The following PITPNA variants were observed in gnomAD, a reference collection of about 807,000 sequenced individuals.
PITPNA encodes the protein phosphatidylinositol transfer protein alpha isoform.
In PITPNA, 13 loss-of-function variants were observed where a neutral mutation model predicts 50.3. The ratio of observed to expected loss-of-function variants is 0.26; its 90% CI spans 0.17 to 0.41. The LOEUF (loss-of-function observed/expected upper bound fraction) is 0.41. Ranked by LOEUF, PITPNA falls within the 10% of genes least tolerant of loss-of-function variation. PITPNA has a pLI of 1.00. For missense variants in PITPNA, 207 were observed against 333.4 expected, an observed-to-expected ratio of 0.62 and a Z score of 2.95; for synonymous variants, 120 against 119.6, an observed-to-expected ratio of 1.00 and a Z score of -0.02.
chr17:1,531,330 C>T (rs1298055517), intron 10 of PITPNA, among the ~76,000 whole-genome samples: 3 of 151,884 alleles, frequency 2.0e-5, no homozygotes, highest in African/African-American at 4.8e-5. Flanking sequence ...TAGAGGTTCC[C>T]GCCCCCGAAT....
intron 4 of PITPNA, among the ~76,000 whole-genome samples, chr17:1,544,348 G>A (rs1270610912): frequency 1.3e-5 from 2 of 152,192 alleles, no homozygotes; most frequent in African/African-American, 2.4e-5. Flanking sequence ...ATAGACTGGC[G>A]CTGGGGTTTT....
At chr17:1,520,875 T>C (rs368871314) in intron 11 of PITPNA, among the ~76,000 whole-genome samples, 24 of 152,194 alleles carry the variant, frequency 1.6e-4, no homozygotes, top group Admixed American at 1.1e-3. Context: ...CTGAGGCTAA[T>C]TGGGAGCAGA....
chr17:1,552,226 G>A (rs2151012865), intron 3 of PITPNA, among the ~76,000 whole-genome samples: 1 of 152,270 alleles, frequency 6.6e-6, no homozygotes, highest in Middle Eastern at 3.4e-3. Flanking sequence ...TGGTTAAAAT[G>A]GTGAATTTTA....
At chr17:1,539,199 T>G (rs1244313404) in intron 6 of PITPNA, among the ~76,000 whole-genome samples, 1 of 152,126 alleles carries the variant, frequency 6.6e-6, no homozygotes, top group African/African-American at 2.4e-5. Context: ...CAGCACACTC[T>G]AGCATGAACT....
chr17:1,555,134 G>A (rs936135877), intron 2 of PITPNA, among the ~76,000 whole-genome samples: 2 of 152,198 alleles, frequency 1.3e-5, no homozygotes, highest in Non-Finnish European at 2.9e-5. Flanking sequence ...CTGGTGGAGG[G>A]GGCGAGGTTC....
At position 1,558,570 on chromosome 17, in the gene PITPNA, G is replaced by T. The variant is rs1301855997; in HGVS notation, c.21-11C>A. On this transcript the variant is annotated splice_polypyrimidine_tract_variant and intron_variant, in intron 1 of 11. Transcript: ENST00000313486. ...GGCAGGATTACTCGACTATAAGAAA[G>T]GGAAAAGAGAGTATCAACTTTAGGC... The T allele has an allele frequency of 6.3e-7, 1 of 1,596,826 alleles. No homozygotes were observed. Among genetic ancestry groups the T allele is most frequent in the East Asian group, 2.2e-5 (1 of 44,750 alleles).
intron 9 of PITPNA, 102 bp from the exon 10 acceptor site, chr17:1,534,323 A>G: frequency 7.0e-7 from 1 of 1,438,154 alleles, no homozygotes; most frequent in Non-Finnish European, 9.6e-7. Context: ...TAGACTGGGG[A>G]CGGGCGGACA....
intron 1 of PITPNA, among the ~76,000 whole-genome samples, chr17:1,561,931 C>T (rs1235430371): frequency 1.3e-5 from 2 of 152,192 alleles, no homozygotes; most frequent in East Asian, 3.9e-4. Flanking sequence ...CCTTTCCCCA[C>T]CGCCGGGAGG....
At chr17:1,561,768 G>A (rs1470207921) in intron 1 of PITPNA, among the ~76,000 whole-genome samples, 1 of 152,062 alleles carries the variant, frequency 6.6e-6, no homozygotes, top group Non-Finnish European at 1.5e-5. Flanking sequence ...TCCCCAGCCA[G>A]GCCCTGACTT....
At position 1,562,494 on chromosome 17, in the gene PITPNA, C is replaced by T. The variant is rs1426998714; in HGVS notation, c.20+47G>A. ...GCCGCGCCGTCGCCCCGGCGGCCGT[C>T]CCCACCCTCCCTCCTCCCCGCTTCC... On this transcript the variant is annotated intron_variant, in intron 1 of 11. Transcript: ENST00000313486. This position sits in a 1 kb window ranked among gnomAD's most constrained non-coding sequence, Gnocchi z 6.4. The T allele has an allele frequency of 8.3e-6, 11 of 1,320,618 alleles. No individual in the cohort carries two copies. Among genetic ancestry groups the T allele is most frequent in the Non-Finnish European group, 1.0e-5 (10 of 993,166 alleles). The allele number at this position is 1,320,618 out of a possible 1,614,324, so 81.8% of individuals were successfully genotyped here.
intron 10 of PITPNA, among the ~76,000 whole-genome samples, chr17:1,533,060 G>A (rs1394849126): frequency 6.6e-6 from 1 of 152,250 alleles, no homozygotes; most frequent in African/African-American, 2.4e-5. Flanking sequence ...GCTCTCACCT[G>A]AGGCCCTGCA....
In PITPNA at chr17:1,557,425, G is replaced by C. The variant is rs531333267; in HGVS notation, c.51+1104C>G. On this transcript the variant is annotated intron_variant, in intron 2 of 11. Transcript: ENST00000313486. The stretch of plus-strand genomic sequence containing the variant: ...CTTCATGCTGACACTGCAGGAAAGA[G>C]AGACGGAGCCCAGTGACTGGAGGCA... Among the ~76,000 whole-genome samples, 11 of 152,354 alleles carry C rather than the reference G, an allele frequency of 7.2e-5. No homozygotes were observed. In the South Asian group the frequency reaches 2.3e-3, roughly 32 times the overall value.
chr17:1,547,861 GTAT>G (rs2075685121), intron 4 of PITPNA, among the ~76,000 whole-genome samples: 2 of 151,920 alleles, frequency 1.3e-5, no homozygotes, highest in Non-Finnish European at 2.9e-5. Flanking sequence ...AGGCGTGGCG[GTAT>G]GCGCCTGTAG....
intron 1 of PITPNA, among the ~76,000 whole-genome samples, chr17:1,560,314 C>T (rs891435972): frequency 5.3e-5 from 8 of 152,186 alleles, no homozygotes; most frequent in Non-Finnish European, 8.8e-5. Context: ...CCTGGAGCGG[C>T]ACTCACTCTA....
intron 10 of PITPNA, among the ~76,000 whole-genome samples, chr17:1,523,053 G>C (rs2151001433): frequency 1.3e-5 from 2 of 152,278 alleles, no homozygotes; most frequent in East Asian, 3.9e-4. Flanking sequence ...GAAAGTGCAG[G>C]TGCAGGTCTC....
intron 3 of PITPNA, 48 bp downstream of exon 3, chr17:1,552,956 A>C (rs1224242099): frequency 3.2e-6 from 5 of 1,573,720 alleles, no homozygotes; most frequent in Non-Finnish European, 4.4e-6. Context: ...ACACTCATTC[A>C]CACACACACA....
At chr17:1,526,100 CT>C (rs1422460662) in intron 10 of PITPNA, among the ~76,000 whole-genome samples, 1 of 152,182 alleles carries the variant, frequency 6.6e-6, no homozygotes, top group African/African-American at 2.4e-5. Context: ...CCCAGAACAC[CT>C]TGTGCTTCAA....
At chr17:1,542,703 G>A (rs993750621) in intron 5 of PITPNA, among the ~76,000 whole-genome samples, 11 of 152,208 alleles carry the variant, frequency 7.2e-5, no homozygotes, top group Admixed American at 1.3e-4. Context: ...AAGGGATGTC[G>A]GTCAGGTCAG....
intron 2 of PITPNA, among the ~76,000 whole-genome samples, chr17:1,557,543 G>A (rs1459944478): frequency 6.6e-6 from 1 of 152,222 alleles, no homozygotes; most frequent in Non-Finnish European, 1.5e-5. Flanking sequence ...AAAGAACAAG[G>A]CTGCGCCAGG....
Sources: gnomAD v4.1 joint callset for allele counts (sites outside exome capture counted in the v4.1 genomes callset) on GRCh38, gnomAD v4.1.1 for gene constraint, Gnocchi (gnomAD v3.1) non-coding constraint, MANE v1.5 for transcripts, NCBI Gene and HGNC (gene_info 2026-07-23, HGNC 2026-07-21) for gene names.